FMN1: variants seen among roughly 807,000 people sequenced by gnomAD.
FMN1 encodes the protein formin 1, also known as formin-1.
FMN1 carries 110 observed loss-of-function variants against 132.4 expected under a neutral mutation model. The ratio of observed to expected loss-of-function variants is 0.83; its 90% confidence interval spans 0.71 to 0.97. The LOEUF is 0.97. FMN1 is among the 50% of genes least tolerant of loss of function. FMN1 has a pLI of 0.00. For synonymous variants in FMN1, 722 were observed against 651.7 expected, an observed-to-expected ratio of 1.11 and a Z score of -1.64; for missense variants, 1,792 against 1,705.3, an observed-to-expected ratio of 1.05 and a Z score of -0.90.
chr15:33,044,034 T>A (rs2036565470), intron 6 of FMN1, among the ~76,000 whole-genome samples: 1 of 152,234 alleles, frequency 6.6e-6, no homozygotes, highest in Non-Finnish European at 1.5e-5. Context: ...GCACCTGCTC[T>A]AATCTCAGTG....
intron 4 of FMN1, chr15:33,151,279 C>T: frequency 6.5e-7 from 1 of 1,536,254 alleles, no homozygotes; most frequent in Non-Finnish European, 8.7e-7. Flanking sequence ...TACTCTCCTT[C>T]CCTTTTCCAG....
intron 19 of FMN1, among the ~76,000 whole-genome samples, chr15:32,796,287 C>T (rs1337695600): frequency 6.6e-6 from 1 of 152,142 alleles, no homozygotes; most frequent in Non-Finnish European, 1.5e-5. Flanking sequence ...TGAAACCTGT[C>T]CCTTTGAAAA....
chr15:32,994,232 T>TCA (rs1555375420), intron 7 of FMN1, among the ~76,000 whole-genome samples: 45 of 37,232 alleles, frequency 1.2e-3, no homozygotes, highest in South Asian at 3.4e-3. Flanking sequence ...TCTCTCTCTC[T>TCA]CACACACACA....
intron 4 of FMN1, among the ~76,000 whole-genome samples, chr15:33,108,526 A>G (rs751759074): frequency 1.4e-5 from 2 of 145,574 alleles, no homozygotes; most frequent in Admixed American, 6.6e-5. Context: ...CTCTGCTATT[A>G]AACAACAAGA....
intron 6 of FMN1, among the ~76,000 whole-genome samples, chr15:33,045,369 G>A (rs1460000303): frequency 2.0e-5 from 3 of 152,206 alleles, no homozygotes; most frequent in Non-Finnish European, 2.9e-5. Flanking sequence ...AGGCTGAGTG[G>A]GACCTGCAGT....
intron 4 of FMN1, among the ~76,000 whole-genome samples, chr15:33,122,521 C>A (rs1265900867): frequency 1.3e-5 from 2 of 152,152 alleles, no homozygotes; most frequent in African/African-American, 4.8e-5. Context: ...TCTAGATGTC[C>A]CAAGTATTTA....
chr15:32,903,325 G>C (rs531196407), intron 12 of FMN1, among the ~76,000 whole-genome samples: 3 of 152,194 alleles, frequency 2.0e-5, no homozygotes, highest in Non-Finnish European at 4.4e-5. Context: ...AGATGAAAAA[G>C]TTAAACTCTG....
intron 7 of FMN1, among the ~76,000 whole-genome samples, chr15:32,983,874 A>T (rs1222145861): frequency 6.6e-6 from 1 of 152,182 alleles, no homozygotes; most frequent in Non-Finnish European, 1.5e-5. Flanking sequence ...CTAAGACAGG[A>T]TCAGTAGTAA....
intron 6 of FMN1, among the ~76,000 whole-genome samples, chr15:33,027,943 C>T (rs1215021380): frequency 2.6e-5 from 4 of 152,140 alleles, no homozygotes; most frequent in African/African-American, 7.2e-5. Flanking sequence ...CCTGTGATCC[C>T]GCTACAGTGT....
At chr15:33,109,236 T>C (rs936165075) in intron 4 of FMN1, among the ~76,000 whole-genome samples, 3 of 152,022 alleles carry the variant, frequency 2.0e-5, no homozygotes, top group African/African-American at 7.2e-5. Flanking sequence ...GTTTTTGAGG[T>C]TCCTGTACAA....
intron 3 of FMN1, among the ~76,000 whole-genome samples, chr15:33,165,329 A>T (rs980758031): frequency 2.0e-5 from 3 of 152,250 alleles, no homozygotes; most frequent in Non-Finnish European, 4.4e-5. Flanking sequence ...GCATTTTCTG[A>T]TTAAGGAAGC....
intron 4 of FMN1, among the ~76,000 whole-genome samples, chr15:33,113,670 C>T (rs915726197): frequency 6.6e-6 from 1 of 152,144 alleles, no homozygotes; most frequent in Admixed American, 6.5e-5. Context: ...CCACCACCCA[C>T]CTTCTGTTAC....
At position 32,865,846 on chromosome 15, in the gene FMN1, A is replaced by AT. The variant is rs777011218; in HGVS notation, c.3836-8740_3836-8739insA. ...AGTGAAACTCCACCTCAAAAAAAAA[A>AT]AAAAAAATAAAATAAAATAAAATAC... On this transcript the variant is annotated intron_variant, in intron 16 of 20. Coordinates refer to ENST00000616417, the MANE Select transcript of FMN1 (RefSeq NM_001277313.2). Among the ~76,000 whole-genome samples the AT allele has an allele frequency of 3.0e-3, 411 of 134,882 alleles. 2 individuals are homozygous for AT. Among genetic ancestry groups the AT allele is most frequent in the African/African-American group, 7.1e-3 (277 of 38,918 alleles). The allele number at this position is 134,882 out of a possible 152,430, so 88.5% of individuals were successfully genotyped here.
chr15:32,989,568 A>G (rs899544504), intron 7 of FMN1, among the ~76,000 whole-genome samples: 3 of 152,128 alleles, frequency 2.0e-5, no homozygotes, highest in Non-Finnish European at 4.4e-5. Context: ...GCCCCCCACC[A>G]AAAGAAAGAA....
chr15:33,130,107 T>A (rs865900395), intron 4 of FMN1, among the ~76,000 whole-genome samples: 1 of 152,200 alleles, frequency 6.6e-6, no homozygotes, highest in Non-Finnish European at 1.5e-5. Flanking sequence ...ACTGGGATTA[T>A]AGGCATGAGC....
chr15:32,913,373 C>A (rs1002571571), intron 10 of FMN1, among the ~76,000 whole-genome samples: 1 of 152,092 alleles, frequency 6.6e-6, no homozygotes, highest in Admixed American at 6.5e-5. Context: ...GCTTAACATA[C>A]CTCCAATATC....
intron 10 of FMN1, among the ~76,000 whole-genome samples, chr15:32,919,170 A>C (rs1301753600): frequency 1.3e-5 from 2 of 152,040 alleles, no homozygotes; most frequent in East Asian, 3.9e-4. Flanking sequence ...GGGGGGTATT[A>C]AATGAAGTTT....
intron 4 of FMN1, among the ~76,000 whole-genome samples, chr15:33,124,491 G>A (rs946538519): frequency 4.6e-5 from 7 of 152,022 alleles, no homozygotes; most frequent in Non-Finnish European, 1.0e-4. Context: ...TTACTGCTTG[G>A]GACTGAGCAT....
chr15:33,038,183 G>A (rs1028864227), intron 6 of FMN1, among the ~76,000 whole-genome samples: 2 of 152,162 alleles, frequency 1.3e-5, no homozygotes, highest in Non-Finnish European at 2.9e-5. Context: ...AGCCGAGATC[G>A]CACCACTGCA....
Sources: gnomAD v4.1 joint callset for allele counts (sites outside exome capture counted in the v4.1 genomes callset) on GRCh38, gnomAD v4.1.1 for gene constraint, MANE v1.5 for transcripts, NCBI Gene and HGNC (gene_info 2026-07-23, HGNC 2026-07-21) for gene names.